ZMYND8: variants seen among roughly 807,000 people sequenced by gnomAD.
The protein encoded by ZMYND8 is zinc finger MYND-type containing 8.
ZMYND8 carries 37 observed loss-of-function variants against 140.8 expected under a neutral mutation model. That is an observed-to-expected ratio of 0.26 (90% CI 0.20 to 0.35). The LOEUF (loss-of-function observed/expected upper bound fraction) is 0.35. Ranked by LOEUF, ZMYND8 falls within the 10% of genes least tolerant of loss-of-function variation. The pLI is 1.00. For missense variants in ZMYND8, 1,068 were observed against 1,570.0 expected, an observed-to-expected ratio of 0.68 and a Z score of 5.40; for synonymous variants, 592 against 597.1, an observed-to-expected ratio of 0.99 and a Z score of 0.12.
intron 3 of ZMYND8, among the ~76,000 whole-genome samples, chr20:47,301,652 A>C (rs561695516): frequency 9.2e-5 from 14 of 152,258 alleles, no homozygotes; most frequent in African/African-American, 3.1e-4. Flanking sequence ...TGAGAAAATC[A>C]GAAATCAAAA....
chr20:47,249,465 A>C (rs749431837), intron 12 of ZMYND8, 26 bp from the exon 13 acceptor site: 2 of 1,612,588 alleles, frequency 1.2e-6, no homozygotes, highest in East Asian at 4.5e-5. Context: ...ACACCCTCGT[A>C]AGATCAGGCA....
At chr20:47,308,219 G>C (rs1235102939) in intron 3 of ZMYND8, among the ~76,000 whole-genome samples, 1 of 128,748 alleles carries the variant, frequency 7.8e-6, no homozygotes, top group Non-Finnish European at 1.6e-5. Flanking sequence ...TGGACGTGAG[G>C]TTTTTTTTTT....
At position 47,226,701 on chromosome 20, in the gene ZMYND8, A is replaced by T. The variant is rs931620420; in HGVS notation, c.3016+502T>A. ...CAGGGATATAACAGATCCCTTTATCACAACAGTTTGTGTAATGAAATTAGT... is the reference window on the plus strand; with the variant it reads ...CAGGGATATAACAGATCCCTTTATCTCAACAGTTTGTGTAATGAAATTAGT... On this transcript the variant is annotated intron_variant, in intron 18 of 22. Transcript: ENST00000471951. Among the ~76,000 whole-genome samples, 8 of 152,202 alleles carry T rather than the reference A, an allele frequency of 5.3e-5. 1 individual carries two copies. The highest frequency in any genetic ancestry group is 1.9e-4 in the African/African-American group (8 of 41,448).
chr20:47,280,947 C>T (rs1018305535), intron 10 of ZMYND8, among the ~76,000 whole-genome samples: 1 of 152,126 alleles, frequency 6.6e-6, no homozygotes, highest in African/African-American at 2.4e-5. Flanking sequence ...CACACCAGGC[C>T]CCCACCACTA....
intron 16 of ZMYND8, among the ~76,000 whole-genome samples, chr20:47,230,162 G>C (rs2147066702): frequency 6.6e-6 from 1 of 152,252 alleles, no homozygotes; most frequent in Admixed American, 6.5e-5. Flanking sequence ...CAAATTTCAT[G>C]GATCGCATTG....
chr20:47,306,041 T>C (rs1270286206), intron 3 of ZMYND8, among the ~76,000 whole-genome samples: 1 of 152,194 alleles, frequency 6.6e-6, no homozygotes, highest in East Asian at 1.9e-4. Context: ...TAAAAATGCA[T>C]GGTAAACCTT....
rs371544404 is a variant in ZMYND8, at chr20:47,236,352, C to T, written c.2830G>A (p.Ala944Thr). 23 of 1,614,078 alleles carry T rather than the reference C, an allele frequency of 1.4e-5. No homozygotes were observed. Among genetic ancestry groups the T allele is most frequent in the African/African-American group, 5.3e-5 (4 of 74,934 alleles). ...TTGCTAGTGTACTTGGCAATATCAG[C>T]GGCGACATCAGCTGAGGCAGTGGCG... ...PIATASADVA[A>T]DIAKYTSKMM... The change falls in exon 16 of 23, where the codon GCT (alanine) becomes ACT (threonine). Residue 944 changes from alanine (A) to threonine (T), a missense_variant. Around this residue, in one of 10 missense-constraint regions of ZMYND8, gnomAD observed 87 missense variants for 151.1 expected, o/e 0.58. Transcript: ENST00000471951.
chr20:47,344,523 G>A (rs1022871779), intron 2 of ZMYND8, among the ~76,000 whole-genome samples: 3 of 152,206 alleles, frequency 2.0e-5, no homozygotes, highest in Admixed American at 6.5e-5. Flanking sequence ...CAGCCAACAG[G>A]AGCCCAGGCA....
chr20:47,326,244 C>T (rs1279251676), intron 2 of ZMYND8, among the ~76,000 whole-genome samples: 1 of 152,152 alleles, frequency 6.6e-6, no homozygotes, highest in African/African-American at 2.4e-5. Flanking sequence ...AGGCATGAGC[C>T]ACCACATCCA....
At chr20:47,258,400 A>T (rs956597197) in intron 12 of ZMYND8, among the ~76,000 whole-genome samples, 7 of 152,234 alleles carry the variant, frequency 4.6e-5, no homozygotes, top group African/African-American at 1.7e-4. Context: ...TGTAATTTTT[A>T]AAAAGTTTTA....
Position 47,283,646 on chromosome 20 carries a change from C to A in ZMYND8, c.807G>T (p.Met269Ile). 2 of 1,613,872 alleles carry A rather than the reference C, an allele frequency of 1.2e-6. No homozygotes were observed. Among genetic ancestry groups the A allele is most frequent in the South Asian group, 1.1e-5 (1 of 91,038 alleles). Residue 269 changes from methionine (M) to isoleucine (I), a missense_variant and splice_region_variant, in exon 9 of 23, where the codon ATG becomes ATT. By Grantham distance (10) the Met-to-Ile change is conservative. Around this residue, in one of 10 missense-constraint regions of ZMYND8, gnomAD observed 109 missense variants for 314.9 expected, o/e 0.35. Coordinates refer to ENST00000471951, the MANE Select transcript of ZMYND8 (RefSeq NM_001281775.3). ...KVVIKICEHE[M>I]NEIEVCPECY... ...ATTCTGGACATACTTCGATTTCATT[C>A]ATCTGTAAAGCAAAAATACATTAGA... is the stretch of plus-strand genomic sequence containing the variant.
intron 2 of ZMYND8, among the ~76,000 whole-genome samples, chr20:47,345,709 G>A (rs978947509): frequency 3.2e-4 from 49 of 151,840 alleles, no homozygotes; most frequent in African/African-American, 1.1e-3. Context: ...GGGTTTCACC[G>A]TGTTGCCCAG....
rs564663346 is a variant in ZMYND8, at chr20:47,311,937, C to T, written c.86-1733G>A. Among the ~76,000 whole-genome samples, 550 of 152,212 alleles carry T rather than the reference C, an allele frequency of 3.6e-3. 5 individuals are homozygous for T. Among genetic ancestry groups the T allele is most frequent in the African/African-American group, 0.013 (525 of 41,506 alleles). On this transcript the variant is annotated intron_variant, in intron 2 of 22. Transcript: ENST00000471951. ...CTACCATCCATTCAATCTTCACCTC[C>T]AAGGACTTGAATCCACTCCATGCCC...
intron 3 of ZMYND8, 138 bp downstream of exon 3, chr20:47,309,918 G>A: frequency 2.5e-6 from 3 of 1,208,642 alleles, no homozygotes; most frequent in Non-Finnish European, 3.5e-6. Flanking sequence ...ATCTTTTTTT[G>A]TCCAAGGCAA....
intron 1 of ZMYND8, chr20:47,355,358 C>A: frequency 2.5e-6 from 2 of 798,924 alleles, no homozygotes; most frequent in Non-Finnish European, 3.0e-6. Flanking sequence ...GCCCCCAACT[C>A]CTGTAGCCAA....
At chr20:47,306,834 T>C (rs974298348) in intron 3 of ZMYND8, among the ~76,000 whole-genome samples, 2 of 152,076 alleles carry the variant, frequency 1.3e-5, no homozygotes, top group African/African-American at 2.4e-5. Flanking sequence ...TCTTCACATA[T>C]GCCAAAGTCA....
chr20:47,210,934 C>T, intron 22 of ZMYND8, 37 bp from the exon 23 acceptor site: 1 of 1,601,964 alleles, frequency 6.2e-7, no homozygotes, highest in Non-Finnish European at 8.5e-7. Flanking sequence ...CGTGCCTGCC[C>T]ACCTGCGCCT....
intron 2 of ZMYND8, among the ~76,000 whole-genome samples, chr20:47,333,112 T>C (rs1241750353): frequency 6.6e-6 from 1 of 151,338 alleles, no homozygotes; most frequent in African/African-American, 2.4e-5. Context: ...TTCAGGAGAC[T>C]AAGGCCAGAG....
intron 18 of ZMYND8, among the ~76,000 whole-genome samples, chr20:47,226,768 TC>T (rs2037768870): frequency 6.6e-6 from 1 of 152,194 alleles, no homozygotes. Flanking sequence ...CAAGTGATCC[TC>T]CTTCCTCAGC....
Sources: allele counts gnomAD v4.1 joint callset (sites outside exome capture counted in the v4.1 genomes callset), GRCh38; gene constraint gnomAD v4.1.1; regional missense constraint gnomAD v4.1.1; transcripts MANE v1.5; gene names NCBI Gene and HGNC (gene_info 2026-07-23, HGNC 2026-07-21).